RUNX1: variants seen among roughly 807,000 people sequenced by gnomAD.
The protein encoded by RUNX1 is RUNX family transcription factor 1.
A neutral mutation model predicts 42.8 loss-of-function variants in RUNX1; 19 were observed. That is an observed-to-expected ratio of 0.44 (90% CI 0.31 to 0.65). RUNX1 has a LOEUF of 0.65. Ranked by LOEUF, RUNX1 falls within the 30% of genes least tolerant of loss-of-function variation. The pLI is 0.07. For missense variants in RUNX1, 528 were observed against 672.0 expected, an observed-to-expected ratio of 0.79 and a Z score of 2.37; for synonymous variants, 271 against 289.4, an observed-to-expected ratio of 0.94 and a Z score of 0.64.
intron 5 of RUNX1, among the ~76,000 whole-genome samples, chr21:34,860,988 G>A (rs1220886193): frequency 6.6e-6 from 1 of 152,164 alleles, no homozygotes; most frequent in East Asian, 1.9e-4. Flanking sequence ...TGCCCATTGT[G>A]CCTTTATAAC....
chr21:34,941,706 A>G (rs1455264741), intron 2 of RUNX1, among the ~76,000 whole-genome samples: 1 of 152,252 alleles, frequency 6.6e-6, no homozygotes, highest in Admixed American at 6.5e-5. Flanking sequence ...TGATTTTACT[A>G]AAGCCAGATA....
intron 2 of RUNX1, among the ~76,000 whole-genome samples, chr21:34,987,773 AC>A (rs1367160701): frequency 6.6e-6 from 1 of 152,180 alleles, no homozygotes; most frequent in Non-Finnish European, 1.5e-5. Context: ...ATTCGGCAGA[AC>A]CCCAAGTCAC....
chr21:35,049,009 C>T, intron 1 of RUNX1, 51 bp from the exon 2 acceptor site: 1 of 876,882 alleles, frequency 1.1e-6, no homozygotes. Context: ...ACCCCTCTAG[C>T]CCTACATCTC....
chr21:34,931,586 CT>C (rs1234616993), intron 2 of RUNX1, among the ~76,000 whole-genome samples: 1 of 116,612 alleles, frequency 8.6e-6, no homozygotes, highest in Non-Finnish European at 1.6e-5. Context: ...CCTAAATAGA[CT>C]GTGGTTCTTT....
At position 34,790,837 on chromosome 21, in the gene RUNX1, G is replaced by C. The variant is rs1006363942; in HGVS notation, c.*1298C>G. ...CGTAACCCCTAAATTCATTGATTTGGTTCCTATGTAAATGTGGCTCCCCTA... is the reference window on the plus strand; with the variant it reads ...CGTAACCCCTAAATTCATTGATTTGCTTCCTATGTAAATGTGGCTCCCCTA... On this transcript the variant is annotated 3_prime_UTR_variant, in exon 9 of 9. Transcript: ENST00000675419. 1.3e-5 allele frequency: 3 copies of C among 233,126 alleles called. No homozygotes were observed. The highest frequency in any genetic ancestry group is 2.5e-5 in the Non-Finnish European group (3 of 118,064). 14.4% of individuals were successfully genotyped at this position (233,126 alleles called of 1,614,324 possible).
At chr21:35,022,895 GAATAAT>G (rs71196925) in intron 2 of RUNX1, among the ~76,000 whole-genome samples, 5 of 144,254 alleles carry the variant, frequency 3.5e-5, no homozygotes, top group South Asian at 2.2e-4. Flanking sequence ...TACTCTGTTT[GAATAAT>G]AATAATAATA....
chr21:34,799,245 C>T (rs2056573415), intron 8 of RUNX1, 56 bp downstream of exon 8: 4 of 1,593,382 alleles, frequency 2.5e-6, no homozygotes, highest in Non-Finnish European at 3.4e-6. Flanking sequence ...CACCTCTAGT[C>T]TCCTGGACCT....
chr21:34,990,108 T>C (rs2058924975), intron 2 of RUNX1, among the ~76,000 whole-genome samples: 1 of 152,196 alleles, frequency 6.6e-6, no homozygotes. Flanking sequence ...TCTAAGGTTC[T>C]ATCTCTGTGC....
chr21:34,858,924 T>C, intron 6 of RUNX1, among the ~76,000 whole-genome samples: 1 of 152,210 alleles, frequency 6.6e-6, no homozygotes, highest in Non-Finnish European at 1.5e-5. Flanking sequence ...TATTTACTGG[T>C]TTTCCCCAGA....
chr21:35,045,198 CTTT>C (rs66741314), intron 2 of RUNX1, among the ~76,000 whole-genome samples: 1 of 149,266 alleles, frequency 6.7e-6, no homozygotes, highest in African/African-American at 2.5e-5. Context: ...TTTATCACAC[CTTT>C]TTTTTTTATA....
At chr21:34,996,353 A>C (rs756788000) in intron 2 of RUNX1, among the ~76,000 whole-genome samples, 1 of 152,022 alleles carries the variant, frequency 6.6e-6, no homozygotes, top group Non-Finnish European at 1.5e-5. Context: ...AGAGAAAGGG[A>C]CATTATAAGG....
At chr21:34,908,900 G>A (rs1413385229) in intron 2 of RUNX1, among the ~76,000 whole-genome samples, 1 of 152,064 alleles carries the variant, frequency 6.6e-6, no homozygotes, top group East Asian at 1.9e-4. Flanking sequence ...CAGAGCCATT[G>A]ACCTTTCTTC....
intron 2 of RUNX1, among the ~76,000 whole-genome samples, chr21:34,964,873 G>A (rs1224484884): frequency 6.6e-6 from 1 of 152,118 alleles, no homozygotes; most frequent in East Asian, 1.9e-4. Context: ...CACCCACAAT[G>A]CTCTCAGCAC....
intron 2 of RUNX1, among the ~76,000 whole-genome samples, chr21:35,025,971 T>G (rs999895109): frequency 1.9e-4 from 29 of 152,178 alleles, no homozygotes; most frequent in African/African-American, 5.5e-4. Context: ...ACAAGAAGAA[T>G]AATAAAAAAG....
At chr21:35,030,358 A>G (rs1040662985) in intron 2 of RUNX1, among the ~76,000 whole-genome samples, 8 of 152,128 alleles carry the variant, frequency 5.3e-5, no homozygotes, top group African/African-American at 1.9e-4. Flanking sequence ...AAAATAAAAA[A>G]TAAAAAAACC....
At chr21:34,860,542 T>TGTGG (rs1255065466) in intron 5 of RUNX1, among the ~76,000 whole-genome samples, 45 of 152,048 alleles carry the variant, frequency 3.0e-4, no homozygotes, top group African/African-American at 1.1e-3. Context: ...TGTGTGTGTG[T>TGTGG]GTGTGTGTGT....
chr21:34,928,939 G>A (rs1401221167), intron 2 of RUNX1, among the ~76,000 whole-genome samples: 2 of 125,324 alleles, frequency 1.6e-5, no homozygotes, highest in Admixed American at 9.1e-5. Flanking sequence ...AGTATTGCAA[G>A]CTTATTTCTA....
intron 7 of RUNX1, chr21:34,821,166 G>A: frequency 1.0e-6 from 1 of 973,678 alleles, no homozygotes; most frequent in Non-Finnish European, 1.2e-6. Context: ...CGAGGAATAA[G>A]GAGACACCGG....
chr21:34,976,486 T>C (rs1029659273), intron 2 of RUNX1, among the ~76,000 whole-genome samples: 2 of 152,210 alleles, frequency 1.3e-5, no homozygotes, highest in South Asian at 4.1e-4. Flanking sequence ...TATCCCTGAA[T>C]ACTAATTTTC....
Sources: gnomAD v4.1 joint callset for allele counts (sites outside exome capture counted in the v4.1 genomes callset) on GRCh38, gnomAD v4.1.1 for gene constraint, MANE v1.5 for transcripts, NCBI Gene and HGNC (gene_info 2026-07-23, HGNC 2026-07-21) for gene names.